The following DNAH14 variants were observed in gnomAD, a reference collection of about 807,000 sequenced individuals.
The protein encoded by DNAH14 is dynein axonemal heavy chain 14.
Under a neutral mutation model 520.9 loss-of-function variants are expected in DNAH14, and 478 were observed. The observed-to-expected ratio is 0.92, with a 90% confidence interval of 0.85 to 0.99. The LOEUF is 0.99. DNAH14 is among the 50% of genes least tolerant of loss of function. DNAH14 has a pLI of 0.00. For synonymous variants in DNAH14, 1,581 were observed against 1,757.2 expected (o/e 0.90, Z 2.51); for missense variants, 4,831 against 5,234.5 (o/e 0.92, Z 2.38).
rs1572916329 is a variant in DNAH14, at chr1:225,079,568, T to C, written c.2766+20T>C. On this transcript the variant is annotated intron_variant, in intron 18 of 85. Coordinates refer to ENST00000682510, the MANE Select transcript of DNAH14 (RefSeq NM_001367479.1). ...GCCAAGGTAAGTTTTTAGGGTTTTT[T>C]TGGATTTTTTTTTTATTAAAAACTT... is the stretch of plus-strand genomic sequence containing the variant. 1.1e-5 allele frequency: 17 copies of C among 1,494,958 alleles called. No homozygotes were observed. Among genetic ancestry groups the C allele is most frequent in the Non-Finnish European group, 1.5e-5 (17 of 1,128,524 alleles). 92.6% of individuals were successfully genotyped at this position (1,494,958 alleles called of 1,614,324 possible). A position where few individuals can be genotyped will look rare whatever the true frequency, so the allele number is the denominator to read the frequency against.
intron 34 of DNAH14, 38 bp downstream of exon 34, chr1:225,153,864 A>G (rs1394807667): frequency 4.2e-6 from 6 of 1,445,776 alleles, no homozygotes; most frequent in Non-Finnish European, 4.7e-6. Context: ...AAAGGGAGTT[A>G]TATACTGCTG....
At chr1:225,340,156 C>G (rs548747988) in intron 68 of DNAH14, among the ~76,000 whole-genome samples, 7 of 152,020 alleles carry the variant, frequency 4.6e-5, no homozygotes, top group Non-Finnish European at 8.8e-5. Flanking sequence ...AGGTAAAAAC[C>G]ATGGTTTTCA....
Position 225,050,367 on chromosome 1 carries a change from C to T in DNAH14, c.2070C>T (p.Tyr690=). ...TCCTTTTTGAAACAGATCCTGCCTA[C>T]CAAAATATAGTAAGTTTTAAAACAG... ...CHILFETDPA[Y]QNIIVNLLTI... The change falls in exon 16 of 86, where the codon TAC becomes TAT. Residue 690 remains tyrosine (Y), a synonymous_variant. Coordinates refer to ENST00000682510, the MANE Select transcript of DNAH14 (RefSeq NM_001367479.1). 6.5e-7 allele frequency: 1 copy of T among 1,540,882 alleles called. No homozygotes were observed. The highest frequency in any genetic ancestry group is 1.7e-4 in the Middle Eastern group (1 of 5,958).
chr1:225,043,300 A>G (rs1572659371), intron 13 of DNAH14, among the ~76,000 whole-genome samples, 186 bp downstream of exon 13: 1 of 150,910 alleles, frequency 6.6e-6, no homozygotes, highest in Admixed American at 6.6e-5. Flanking sequence ...AAAAAAAAGA[A>G]TGGAGGGAAA....
chr1:225,278,844 T>C (rs577394653), intron 54 of DNAH14, among the ~76,000 whole-genome samples: 1 of 152,348 alleles, frequency 6.6e-6, no homozygotes, highest in East Asian at 1.9e-4. Context: ...TACACTCAAC[T>C]GGAATCTGGC....
chr1:225,334,888 G>GTGTGTC (rs1380769254), intron 66 of DNAH14, among the ~76,000 whole-genome samples: 1 of 93,878 alleles, frequency 1.1e-5, no homozygotes, highest in Admixed American at 1.1e-4. Context: ...ATATATATGT[G>GTGTGTC]TGTGTGTGTG....
At chr1:225,392,581 C>A in intron 84 of DNAH14, 130 bp downstream of exon 84, 2 of 1,130,792 alleles carry the variant, frequency 1.8e-6, no homozygotes, top group Non-Finnish European at 2.5e-6. Flanking sequence ...GGCAGATCAA[C>A]AAGCCCTGCT....
At chr1:225,212,966 G>C (rs548028341) in intron 41 of DNAH14, among the ~76,000 whole-genome samples, 22 of 152,202 alleles carry the variant, frequency 1.4e-4, no homozygotes, top group African/African-American at 5.3e-4. Context: ...TGGTGTTTTA[G>C]TCATGAAGTC....
chr1:225,293,471 C>A (rs571575290), intron 55 of DNAH14, among the ~76,000 whole-genome samples: 1 of 150,908 alleles, frequency 6.6e-6, no homozygotes, highest in African/African-American at 2.5e-5. Context: ...ACATATATAC[C>A]ATGGAATACT....
chr1:225,216,091 A>T lies in DNAH14; in HGVS notation c.6439+8871A>T, dbSNP rs534131651. On this transcript the variant is annotated intron_variant, in intron 41 of 85. Coordinates refer to ENST00000682510, the MANE Select transcript of DNAH14 (RefSeq NM_001367479.1). ...CAGGAGCTCTTGTAAGGCAGGCCTGACGGTGACAAAATGTCTCAGCATTTG... is the reference window on the plus strand; with the variant it reads ...CAGGAGCTCTTGTAAGGCAGGCCTGTCGGTGACAAAATGTCTCAGCATTTG... Among the ~76,000 whole-genome samples, 5 of 152,282 alleles carry T rather than the reference A, an allele frequency of 3.3e-5. No homozygotes were observed. The South Asian group carries it at 1.0e-3, about 32-fold the overall frequency.
intron 1 of DNAH14, among the ~76,000 whole-genome samples, chr1:224,946,785 A>G (rs1409811998): frequency 6.8e-6 from 1 of 147,796 alleles, no homozygotes; most frequent in Non-Finnish European, 1.5e-5. Flanking sequence ...TTTTGTTTGT[A>G]TATTTGGTGT....
rs543172008 is a variant in DNAH14, at chr1:225,167,973, T to A, written c.5480T>A (p.Leu1827Ter). The A allele has an allele frequency of 2.9e-5, 45 of 1,538,550 alleles. No individual in the cohort carries two copies. In the African/African-American group the frequency reaches 5.7e-4, roughly 19 times the overall value. The change falls in exon 36 of 86, where the codon TTA becomes TAA. Residue 1827 changes from leucine to a stop codon, truncating the protein, a stop_gained. Transcript: ENST00000682510. LOFTEE classifies it high-confidence loss of function. ...VIYTATQQLG[L>*]QNWSSQKEKI... The stretch of plus-strand genomic sequence containing the variant: ...TATACTGCAACTCAGCAATTGGGTT[T>A]ACAAAACTGGTCATCTCAGAAAGAG...
Position 225,082,753 on chromosome 1 carries a change from G to A in DNAH14, c.3327+14G>A. 1 of 1,530,582 alleles carries A rather than the reference G, an allele frequency of 6.5e-7. No homozygotes were observed. The highest frequency in any genetic ancestry group is 1.3e-5 in the South Asian group (1 of 79,180). The allele number at this position is 1,530,582 out of a possible 1,614,324, so 94.8% of individuals were successfully genotyped here. On this transcript the variant is annotated intron_variant, in intron 20 of 85. Coordinates refer to ENST00000682510, the MANE Select transcript of DNAH14 (RefSeq NM_001367479.1). ...CTAGCTCTCAAGGTAAATAAAAATG[G>A]TTTTTTAAAAAAATAGGTTGAAATA...
At position 225,354,699 on chromosome 1, in the gene DNAH14, C is replaced by G. The variant is rs148816966; in HGVS notation, c.11619+811C>G. Among the ~76,000 whole-genome samples, 91 of 152,208 alleles carry G rather than the reference C, an allele frequency of 6.0e-4. 1 individual carries two copies. In the East Asian group the frequency reaches 9.1e-3, roughly 15 times the overall value. ...CTATATTATACTTTCCAGGCTAGAT[C>G]ATCCTAAATTCATCCTTATTGCCTT... On this transcript the variant is annotated intron_variant, in intron 73 of 85. Transcript: ENST00000682510.
chr1:225,259,883 G>T (rs2092873295), intron 46 of DNAH14, among the ~76,000 whole-genome samples: 1 of 152,164 alleles, frequency 6.6e-6, no homozygotes, highest in Non-Finnish European at 1.5e-5. Context: ...TGTTACAAAT[G>T]ACAGAATTTC....
At chr1:225,067,764 C>T (rs2148467621) in intron 17 of DNAH14, among the ~76,000 whole-genome samples, 1 of 151,270 alleles carries the variant, frequency 6.6e-6, no homozygotes, top group African/African-American at 2.4e-5. Context: ...CATGTAGTGA[C>T]TGTTGATGTC....
chr1:225,363,655 C>A (rs2095519732), intron 75 of DNAH14, among the ~76,000 whole-genome samples: 1 of 152,102 alleles, frequency 6.6e-6, no homozygotes, highest in Admixed American at 6.5e-5. Flanking sequence ...GTTCCAGGAC[C>A]CCCTGTGGAT....
chr1:224,995,330 G>C (rs1194529286), intron 8 of DNAH14, among the ~76,000 whole-genome samples: 1 of 151,968 alleles, frequency 6.6e-6, no homozygotes, highest in Non-Finnish European at 1.5e-5. Flanking sequence ...GGCTTGCAGG[G>C]GTTGTTTTTT....
intron 23 of DNAH14, among the ~76,000 whole-genome samples, chr1:225,103,007 GT>G (rs1363082950): frequency 9.9e-5 from 15 of 152,094 alleles, no homozygotes; most frequent in Admixed American, 2.0e-4. Context: ...TTCTTCTAGG[GT>G]TTTTATGGTT....
Sources: gnomAD v4.1 joint callset for allele counts (sites outside exome capture counted in the v4.1 genomes callset) on GRCh38, gnomAD v4.1.1 for gene constraint, MANE v1.5 for transcripts, NCBI Gene and HGNC (gene_info 2026-07-23, HGNC 2026-07-21) for gene names.